ROR1: variants seen among roughly 807,000 people sequenced by gnomAD.
ROR1 encodes ROR family WNT receptor 1.
A neutral mutation model predicts 78.8 loss-of-function variants in ROR1; 19 were observed. That is an observed-to-expected ratio of 0.24 (90% CI 0.17 to 0.35). The LOEUF (loss-of-function observed/expected upper bound fraction) is 0.35. Ranked by LOEUF, ROR1 falls within the 10% of genes least tolerant of loss-of-function variation. The pLI is 1.00. For synonymous variants in ROR1, 386 were observed against 433.6 expected, an observed-to-expected ratio of 0.89 and a Z score of 1.36; for missense variants, 917 against 1,177.8, an observed-to-expected ratio of 0.78 and a Z score of 3.24.
At chr1:64,009,164 G>A (rs1646454876) in intron 1 of ROR1, 141 bp from the exon 2 acceptor site, 1 of 656,526 alleles carries the variant, frequency 1.5e-6, no homozygotes. Flanking sequence ...CACCATTCCA[G>A]TCTAATAAGC....
At chr1:63,973,874 A>T (rs1646137575) in intron 1 of ROR1, among the ~76,000 whole-genome samples, 1 of 152,174 alleles carries the variant, frequency 6.6e-6, no homozygotes, top group Non-Finnish European at 1.5e-5. Flanking sequence ...TGCCTATGAG[A>T]CACTGGTTTT....
At chr1:64,112,898 T>A (rs772765594) in intron 4 of ROR1, among the ~76,000 whole-genome samples, 1 of 152,198 alleles carries the variant, frequency 6.6e-6, no homozygotes, top group Non-Finnish European at 1.5e-5. Flanking sequence ...CATTTCCCTA[T>A]GGACAGCCTG....
chr1:64,077,246 A>G (rs1057117619), intron 4 of ROR1, among the ~76,000 whole-genome samples: 4 of 152,212 alleles, frequency 2.6e-5, no homozygotes, highest in African/African-American at 9.6e-5. Context: ...TTCTTTGATA[A>G]AAAGGTTGGA....
intron 1 of ROR1, among the ~76,000 whole-genome samples, chr1:63,880,198 G>A (rs1304861202): frequency 6.6e-6 from 1 of 152,192 alleles, no homozygotes; most frequent in African/African-American, 2.4e-5. Context: ...GCTGAGAACA[G>A]TGCCTGGTTC....
intron 2 of ROR1, among the ~76,000 whole-genome samples, chr1:64,038,919 TGCTACAAAG>T (rs1646724647): frequency 1.3e-5 from 2 of 152,226 alleles, no homozygotes; most frequent in African/African-American, 2.4e-5. Context: ...TTTTGTCTCT[TGCTACAAAG>T]AAAATAGTAG....
intron 4 of ROR1, among the ~76,000 whole-genome samples, chr1:64,065,861 G>A (rs1047300699): frequency 6.6e-6 from 1 of 152,172 alleles, no homozygotes; most frequent in Non-Finnish European, 1.5e-5. Flanking sequence ...AGTGATTGCC[G>A]ATAGTTAGTG....
chr1:63,776,892 T>C (rs1376906127), intron 1 of ROR1, among the ~76,000 whole-genome samples: 1 of 152,204 alleles, frequency 6.6e-6, no homozygotes, highest in Non-Finnish European at 1.5e-5. Flanking sequence ...AGACTTCTGG[T>C]AGAACTCACG....
intron 1 of ROR1, among the ~76,000 whole-genome samples, chr1:63,984,674 A>T (rs953287675): frequency 6.6e-6 from 1 of 152,086 alleles, no homozygotes; most frequent in Non-Finnish European, 1.5e-5. Flanking sequence ...TGATTTGGGG[A>T]TGCCTGGGAA....
intron 1 of ROR1, among the ~76,000 whole-genome samples, chr1:63,938,077 A>G (rs1406126529): frequency 3.3e-5 from 5 of 152,122 alleles, no homozygotes; most frequent in Admixed American, 2.6e-4. Flanking sequence ...CCCAGAGAAT[A>G]TAGAGTTGGC....
intron 1 of ROR1, among the ~76,000 whole-genome samples, chr1:63,930,480 A>G (rs1195286695): frequency 6.6e-6 from 1 of 152,226 alleles, no homozygotes; most frequent in Admixed American, 6.5e-5. Context: ...ATCCTTGCAT[A>G]AAAAATTCAG....
At chr1:63,788,789 G>T in intron 1 of ROR1, 1 of 582,048 alleles carries the variant, frequency 1.7e-6, no homozygotes, top group South Asian at 1.5e-5. Context: ...CACTCTTTAT[G>T]GCGCTTGCAT....
intron 4 of ROR1, among the ~76,000 whole-genome samples, chr1:64,103,115 C>A (rs144737364): frequency 6.6e-6 from 1 of 152,118 alleles, no homozygotes; most frequent in African/African-American, 2.4e-5. Flanking sequence ...AAAAAAGCAG[C>A]AGGAAGATGT....
chr1:64,026,804 G>GA (rs1406396362), intron 2 of ROR1, among the ~76,000 whole-genome samples: 2 of 152,136 alleles, frequency 1.3e-5, no homozygotes, highest in Non-Finnish European at 2.9e-5. Context: ...ACAGCATGGG[G>GA]AACCTCTCCC....
At chr1:63,837,954 A>G (rs1305870612) in intron 1 of ROR1, among the ~76,000 whole-genome samples, 1 of 152,246 alleles carries the variant, frequency 6.6e-6, no homozygotes, top group Non-Finnish European at 1.5e-5. Context: ...ATGGTGGTCC[A>G]ATAGGGTTAT....
At chr1:63,969,274 T>A (rs1300741707) in intron 1 of ROR1, among the ~76,000 whole-genome samples, 2 of 152,218 alleles carry the variant, frequency 1.3e-5, no homozygotes, top group African/African-American at 4.8e-5. Context: ...ATATTTCACT[T>A]CGTTGCAACT....
At chr1:64,018,715 T>C (rs1043635109) in intron 2 of ROR1, among the ~76,000 whole-genome samples, 14 of 152,206 alleles carry the variant, frequency 9.2e-5, no homozygotes, top group Admixed American at 9.2e-4. Flanking sequence ...CTTCTTGAGA[T>C]CAGAAGTCAT....
At chr1:63,848,267 G>A (rs1645093606) in intron 1 of ROR1, among the ~76,000 whole-genome samples, 1 of 152,150 alleles carries the variant, frequency 6.6e-6, no homozygotes, top group South Asian at 2.1e-4. Flanking sequence ...AAGCAAAAAG[G>A]CGTCTTCATT....
intron 2 of ROR1, among the ~76,000 whole-genome samples, chr1:64,046,915 G>A (rs1327465396): frequency 6.6e-6 from 1 of 152,222 alleles, no homozygotes; most frequent in Non-Finnish European, 1.5e-5. Context: ...CTTCTCCCTT[G>A]CAAAGTTAGC....
At chr1:64,132,035 C>T (rs966798919) in intron 4 of ROR1, among the ~76,000 whole-genome samples, 1 of 152,196 alleles carries the variant, frequency 6.6e-6, no homozygotes, top group African/African-American at 2.4e-5. Context: ...AATAAAATTC[C>T]TTGCCCGCTA....
Sources: gnomAD v4.1 joint callset for allele counts (sites outside exome capture counted in the v4.1 genomes callset) on GRCh38, gnomAD v4.1.1 for gene constraint, MANE v1.5 for transcripts, NCBI Gene and HGNC (gene_info 2026-07-23, HGNC 2026-07-21) for gene names.